The following CELA2A variants were observed in gnomAD, a reference collection of about 807,000 sequenced individuals.
CELA2A encodes chymotrypsin-like elastase family member 2A.
CELA2A carries 31 observed loss-of-function variants against 35.3 expected under a neutral mutation model. The observed-to-expected ratio is 0.88, with a 90% CI of 0.66 to 1.19. CELA2A has a LOEUF of 1.19. Among genes scored for constraint, CELA2A ranks in the 50% most tolerant of loss-of-function variants. The pLI is 0.00. For synonymous variants in CELA2A, 150 were observed against 149.8 expected (o/e 1.00, Z -0.01); for missense variants, 330 against 352.9 (o/e 0.94, Z 0.52).
At chr1:15,463,354 G>T (rs199652545) in intron 4 of CELA2A, 32 bp from the exon 5 acceptor site, 248 of 1,612,454 alleles carry the variant, frequency 1.5e-4, no homozygotes, top group Middle Eastern at 6.0e-4. Flanking sequence ...AAGTCAACCC[G>T]GTCCTCATGC....
At chr1:15,465,048 G>A (rs1376528635) in intron 5 of CELA2A, among the ~76,000 whole-genome samples, 1 of 96,104 alleles carries the variant, frequency 1.0e-5, no homozygotes, top group Non-Finnish European at 1.9e-5. Context: ...ATCTTACTCT[G>A]TTACCCTGGC....
At chr1:15,457,301 A>T in intron 2 of CELA2A, 127 bp downstream of exon 2, 1 of 860,690 alleles carries the variant, frequency 1.2e-6, no homozygotes, top group Non-Finnish European at 1.9e-6. Flanking sequence ...AGAGCAGCAC[A>T]GGCAACTTTA....
At chr1:15,465,891 G>A in intron 5 of CELA2A, 108 bp from the exon 6 acceptor site, 1 of 1,333,124 alleles carries the variant, frequency 7.5e-7, no homozygotes, top group Non-Finnish European at 1.1e-6. Context: ...CTGTTCGCAT[G>A]TTGCAATGGA....
In CELA2A at chr1:15,472,004, C is replaced by G. The variant is rs1453634849; in HGVS notation, c.807C>G (p.Asn269Lys). 1 of 1,614,066 alleles carries G rather than the reference C, an allele frequency of 6.2e-7. No individual in the cohort carries two copies. The highest frequency in any genetic ancestry group is 1.7e-5 in the Admixed American group (1 of 60,008). ...IDWINSVIAN[N>K] ...GTGTCCTGCAGGTGATTGCAAATAA[C>G]TAACCAAAAGAAGTCCCTGGGACTG... Residue 269 changes from asparagine (N) to lysine (K), a missense_variant, in exon 8 of 8, where the codon AAC (asparagine) becomes AAG (lysine). Asn to Lys is a moderately conservative substitution (Grantham distance 94, BLOSUM62 0). Coordinates refer to ENST00000359621, the MANE Select transcript of CELA2A (RefSeq NM_033440.3).
chr1:15,466,187 G>A, intron 6 of CELA2A, 43 bp downstream of exon 6: 1 of 1,607,910 alleles, frequency 6.2e-7, no homozygotes, highest in Non-Finnish European at 8.5e-7. Context: ...ACAAAATGTG[G>A]CTGGGGATAA....
chr1:15,463,259 C>T, intron 4 of CELA2A, 127 bp from the exon 5 acceptor site: 5 of 1,437,566 alleles, frequency 3.5e-6, no homozygotes, highest in Non-Finnish European at 4.7e-6. Context: ...TGCCCTGGGG[C>T]CCTGCCAGTC....
intron 7 of CELA2A, among the ~76,000 whole-genome samples, chr1:15,471,551 G>T (rs1708594031): frequency 6.7e-6 from 1 of 149,552 alleles, no homozygotes; most frequent in Non-Finnish European, 1.5e-5. Context: ...GTCTCAAAAA[G>T]AAAACAAACA....
Position 15,462,795 on chromosome 1 carries a change from C to G in CELA2A, c.290C>G (p.Ser97Trp). 1 of 1,614,090 alleles carries G rather than the reference C, an allele frequency of 6.2e-7. No homozygotes were observed. The highest frequency in any genetic ancestry group is 8.5e-7 in the Non-Finnish European group (1 of 1,180,030). ...RHNLYVAESG[S>W]LAVSVSKIVV... The stretch of plus-strand genomic sequence containing the variant: ...AACCTCTACGTTGCGGAGTCCGGCT[C>G]GCTGGCAGTCAGTGTCTCTAAGATT... The change falls in exon 4 of 8, where the codon TCG (serine) becomes TGG (tryptophan). Residue 97 changes from serine to tryptophan, a missense_variant. By Grantham distance (177) the Ser-to-Trp change is radical. Transcript: ENST00000359621.
intron 2 of CELA2A, 134 bp from the exon 3 acceptor site, chr1:15,461,427 G>A: frequency 1.2e-6 from 1 of 837,516 alleles, no homozygotes; most frequent in Admixed American, 2.6e-5. Context: ...TTTGGGTGCT[G>A]CCTTAAGTTG....
intron 6 of CELA2A, among the ~76,000 whole-genome samples, chr1:15,466,983 C>T (rs555212904): frequency 5.9e-5 from 9 of 152,300 alleles, no homozygotes; most frequent in South Asian, 4.1e-4. Context: ...AGACCACCCG[C>T]GGGAAGACGG....
intron 4 of CELA2A, 145 bp from the exon 5 acceptor site, chr1:15,463,241 T>G (rs1708464420): frequency 7.6e-7 from 1 of 1,314,612 alleles, no homozygotes; most frequent in African/African-American, 1.5e-5. Flanking sequence ...CCTCTGCATT[T>G]TCAAACATGC....
intron 5 of CELA2A, among the ~76,000 whole-genome samples, chr1:15,464,024 C>T (rs563094262): frequency 1.3e-5 from 2 of 152,118 alleles, no homozygotes; most frequent in Non-Finnish European, 2.9e-5. Context: ...TGCACTCCAG[C>T]CTGGGGGACA....
intron 3 of CELA2A, chr1:15,462,050 T>C (rs1160819917): frequency 6.2e-6 from 3 of 483,280 alleles, no homozygotes; most frequent in African/African-American, 5.9e-5. Context: ...AATGAGTTGA[T>C]TTACCAAAGG....
At chr1:15,465,298 C>T (rs748536735) in intron 5 of CELA2A, among the ~76,000 whole-genome samples, 1 of 151,986 alleles carries the variant, frequency 6.6e-6, no homozygotes, top group Non-Finnish European at 1.5e-5. Flanking sequence ...GGGTGAGCAC[C>T]GCGCCCGACC....
chr1:15,460,813 A>G (rs1708423431), intron 2 of CELA2A, among the ~76,000 whole-genome samples: 1 of 152,222 alleles, frequency 6.6e-6, no homozygotes, highest in East Asian at 1.9e-4. Context: ...CCGGGACTAT[A>G]GGCATGCACC....
At chr1:15,462,130 G>C (rs932459934) in intron 3 of CELA2A, 18 of 472,074 alleles carry the variant, frequency 3.8e-5, no homozygotes, top group African/African-American at 3.6e-4. Context: ...GGCCCACAAG[G>C]TTCTGCAACG....
At chr1:15,456,951 G>A (rs887779873) in intron 1 of CELA2A, 135 bp from the exon 2 acceptor site, 104 of 1,292,122 alleles carry the variant, frequency 8.0e-5, no homozygotes, top group Non-Finnish European at 1.1e-4. Context: ...TTGGAGCAAA[G>A]AGCAGGATTC....
At chr1:15,467,307 G>A in intron 6 of CELA2A, 79 bp from the exon 7 acceptor site, 1 of 1,447,286 alleles carries the variant, frequency 6.9e-7, no homozygotes, top group Non-Finnish European at 9.6e-7. Flanking sequence ...CAGAACAATA[G>A]AAATGCATTG....
At chr1:15,459,997 G>A (rs1274329771) in intron 2 of CELA2A, among the ~76,000 whole-genome samples, 7 of 151,606 alleles carry the variant, frequency 4.6e-5, no homozygotes, top group Admixed American at 4.6e-4. Context: ...TAACGAAGAT[G>A]AATGATATTT....
Sources: gnomAD v4.1 joint callset for allele counts (sites outside exome capture counted in the v4.1 genomes callset) on GRCh38, gnomAD v4.1.1 for gene constraint, MANE v1.5 for transcripts, NCBI Gene and HGNC (gene_info 2026-07-23, HGNC 2026-07-21) for gene names.